NTRK2: variants seen among roughly 807,000 people sequenced by gnomAD.
NTRK2 encodes BDNF/NT-3 growth factors receptor.
In NTRK2, 13 loss-of-function variants were observed where a neutral mutation model predicts 94.5. The ratio of observed to expected loss-of-function variants is 0.14; its 90% CI spans 0.09 to 0.22. The LOEUF is 0.22. Among genes scored for constraint, NTRK2 ranks in the 10% least tolerant of loss-of-function variants. The pLI, the probability that NTRK2 is intolerant of heterozygous loss-of-function variation, is 1.00. For synonymous variants in NTRK2, 372 were observed against 407.4 expected, an observed-to-expected ratio of 0.91 and a Z score of 1.05; for missense variants, 639 against 1,071.2, an observed-to-expected ratio of 0.60 and a Z score of 5.63.
chr9:84,688,793 C>A (rs902240382), intron 2 of NTRK2, among the ~76,000 whole-genome samples: 1 of 152,128 alleles, frequency 6.6e-6, no homozygotes, highest in Admixed American at 6.5e-5. Context: ...GTCTTTTTTC[C>A]TGAATTGAAA....
chr9:84,984,883 G>C (rs1408059713), intron 17 of NTRK2, among the ~76,000 whole-genome samples: 1 of 152,232 alleles, frequency 6.6e-6, no homozygotes. Context: ...TCAGCAGGTT[G>C]TTGTGGAGAT....
intron 17 of NTRK2, among the ~76,000 whole-genome samples, chr9:84,989,087 CT>C (rs763120748): frequency 6.4e-4 from 97 of 152,200 alleles, no homozygotes; most frequent in Middle Eastern, 6.3e-3. Context: ...AGCTCCTCAG[CT>C]ACTGAGCAGC....
intron 12 of NTRK2, chr9:84,814,994 T>C (rs2072236556): frequency 1.9e-6 from 2 of 1,059,844 alleles, no homozygotes; most frequent in Non-Finnish European, 2.3e-6. Context: ...TTAAGGACTC[T>C]TTTGGACAGA....
At chr9:84,992,640 C>A (rs931810368) in intron 17 of NTRK2, among the ~76,000 whole-genome samples, 18 of 152,154 alleles carry the variant, frequency 1.2e-4, no homozygotes, top group African/African-American at 4.1e-4. Flanking sequence ...TCTTTCCACT[C>A]CCTGCCCAGC....
intron 12 of NTRK2, among the ~76,000 whole-genome samples, chr9:84,754,247 G>T (rs1588383481): frequency 6.6e-6 from 1 of 151,742 alleles, no homozygotes; most frequent in South Asian, 2.1e-4. Flanking sequence ...TGTATGTTTT[G>T]TTCCCTCATT....
chr9:84,695,452 C>T (rs999842601), intron 2 of NTRK2, among the ~76,000 whole-genome samples: 11 of 152,132 alleles, frequency 7.2e-5, no homozygotes, highest in Non-Finnish European at 1.0e-4. Context: ...AAAAATATTT[C>T]TGTGAATTTT....
intron 4 of NTRK2, among the ~76,000 whole-genome samples, chr9:84,703,204 G>C (rs1488121779): frequency 6.6e-6 from 1 of 152,148 alleles, no homozygotes; most frequent in Non-Finnish European, 1.5e-5. Flanking sequence ...CTGCCAGAAG[G>C]TTGTTGCCTG....
At chr9:84,969,241 T>C (rs890769474) in intron 17 of NTRK2, among the ~76,000 whole-genome samples, 2 of 152,370 alleles carry the variant, frequency 1.3e-5, no homozygotes, top group South Asian at 2.1e-4. Context: ...CTCCATGTCA[T>C]GTGCTTCCTT....
chr9:85,018,758 G>A (rs1381940520), intron 17 of NTRK2, among the ~76,000 whole-genome samples: 1 of 152,194 alleles, frequency 6.6e-6, no homozygotes, highest in East Asian at 1.9e-4. Flanking sequence ...GAGGGTGACT[G>A]TTGCCACCAC....
intron 12 of NTRK2, among the ~76,000 whole-genome samples, chr9:84,810,336 T>TAAGTTG (rs1397455527): frequency 6.6e-6 from 1 of 152,216 alleles, no homozygotes; most frequent in Non-Finnish European, 1.5e-5. Context: ...AGTTTAAAAC[T>TAAGTTG]AAGTTGCTCA....
At chr9:84,908,481 G>C (rs1039704395) in intron 14 of NTRK2, among the ~76,000 whole-genome samples, 1 of 152,058 alleles carries the variant, frequency 6.6e-6, no homozygotes, top group Admixed American at 6.6e-5. Flanking sequence ...AGATCTAATT[G>C]CTTTTTTAAT....
intron 12 of NTRK2, among the ~76,000 whole-genome samples, chr9:84,806,661 A>G (rs1489572350): frequency 2.6e-5 from 4 of 152,214 alleles, no homozygotes; most frequent in Admixed American, 2.6e-4. Context: ...AGTTATCTAT[A>G]AAATAGAAAA....
chr9:85,007,702 G>A (rs1831124812), intron 17 of NTRK2, among the ~76,000 whole-genome samples: 2 of 152,190 alleles, frequency 1.3e-5, no homozygotes, highest in Non-Finnish European at 2.9e-5. Flanking sequence ...TCTACTAAGT[G>A]AGAAAAATGA....
At chr9:84,676,667 C>A (rs2059075704) in intron 2 of NTRK2, among the ~76,000 whole-genome samples, 1 of 152,182 alleles carries the variant, frequency 6.6e-6, no homozygotes, top group Non-Finnish European at 1.5e-5. Flanking sequence ...ATGCTGGGGG[C>A]CTTTGCTTTA....
At chr9:84,944,215 T>TCTCTCACACACACACACA (rs1440338055) in intron 15 of NTRK2, among the ~76,000 whole-genome samples, 12 of 120,316 alleles carry the variant, frequency 1.0e-4, no homozygotes, top group East Asian at 2.3e-4. Flanking sequence ...TCTCTCTCTC[T>TCTCTCACACACACACACA]CACACACACA....
At chr9:84,857,560 G>C (rs2075126457) in intron 12 of NTRK2, among the ~76,000 whole-genome samples, 1 of 152,314 alleles carries the variant, frequency 6.6e-6, no homozygotes, top group Admixed American at 6.5e-5. Flanking sequence ...AGCTTCTAGG[G>C]AAGAGGTGCC....
At position 84,892,922 on chromosome 9, in the gene NTRK2, C is replaced by CAAA. The variant is rs58211840; in HGVS notation, c.1633+25502_1633+25504dup. ...GGGCAACAAGAGCGAAACTCCATCT[C>CAAA]AAAAAAAAAAAAATTACTGTACTTT... On this transcript the variant is annotated intron_variant, in intron 14 of 18. Coordinates refer to ENST00000277120, the MANE Select transcript of NTRK2 (RefSeq NM_006180.6). Among the ~76,000 whole-genome samples the CAAA allele has an allele frequency of 5.4e-4, 78 of 145,014 alleles. 1 individual carries two copies. Among genetic ancestry groups the CAAA allele is most frequent in the African/African-American group, 1.6e-3 (63 of 39,964 alleles).
rs200103461 is a variant in NTRK2, at chr9:85,026,142, AT to A, written c.*4706del. 104 of 200,058 alleles carry A rather than the reference AT, an allele frequency of 5.2e-4. No homozygotes were observed. Among genetic ancestry groups the A allele is most frequent in the Middle Eastern group, 1.5e-3 (1 of 660 alleles). 12.4% of individuals were successfully genotyped at this position (200,058 alleles called of 1,614,324 possible). On this transcript the variant is annotated 3_prime_UTR_variant, in exon 19 of 19. Coordinates refer to ENST00000277120, the MANE Select transcript of NTRK2 (RefSeq NM_006180.6). ...CACAAAGCAAAGCAAAAAAAAAAATATATATATATATATCTGTATATGTGTT... is the reference window on the plus strand; with the variant it reads ...CACAAAGCAAAGCAAAAAAAAAAATAATATATATATATCTGTATATGTGTT...
intron 14 of NTRK2, among the ~76,000 whole-genome samples, chr9:84,899,987 A>G (rs746126877): frequency 2.6e-5 from 4 of 152,188 alleles, no homozygotes; most frequent in South Asian, 4.1e-4. Context: ...CAACTGAACA[A>G]TATCTGTCAG....
Sources: gnomAD v4.1 joint callset for allele counts (sites outside exome capture counted in the v4.1 genomes callset) on GRCh38, gnomAD v4.1.1 for gene constraint, MANE v1.5 for transcripts, NCBI Gene and HGNC (gene_info 2026-07-23, HGNC 2026-07-21) for gene names.